Variants in DUXA observed in about 807,000 individuals in gnomAD.
DUXA encodes the protein double homeobox A.
Under a neutral mutation model 27.5 loss-of-function variants are expected in DUXA, and 25 were observed. That is an observed-to-expected ratio of 0.91 (90% CI 0.66 to 1.27). DUXA has a LOEUF of 1.27. Among genes scored for constraint, DUXA ranks in the 50% most tolerant of loss-of-function variants. DUXA has a pLI of 0.00. For missense variants in DUXA, 247 were observed against 242.9 expected (o/e 1.02, Z -0.11); for synonymous variants, 90 against 80.5 (o/e 1.12, Z -0.63).
chr19:57,157,920 G>A (rs2087000257), intron 4 of DUXA, among the ~76,000 whole-genome samples: 1 of 151,794 alleles, frequency 6.6e-6, no homozygotes, highest in Non-Finnish European at 1.5e-5. Context: ...CTTGAACCTA[G>A]GAGGTCGAGG....
intron 1 of DUXA, among the ~76,000 whole-genome samples, chr19:57,163,510 A>G (rs922048376): frequency 2.0e-5 from 3 of 151,394 alleles, no homozygotes; most frequent in African/African-American, 4.9e-5. Flanking sequence ...GTGGCACAAT[A>G]TCGGCTCACT....
intron 2 of DUXA, among the ~76,000 whole-genome samples, chr19:57,159,768 G>A (rs2087010754): frequency 6.6e-6 from 1 of 150,440 alleles, no homozygotes; most frequent in South Asian, 2.1e-4. Flanking sequence ...AACATTGTGT[G>A]ACACCATAAT....
At chr19:57,163,566 C>A (rs1274642940) in intron 1 of DUXA, among the ~76,000 whole-genome samples, 3 of 152,116 alleles carry the variant, frequency 2.0e-5, no homozygotes, top group Non-Finnish European at 4.4e-5. Context: ...GCCTCAGACT[C>A]CTGAGTAGCT....
intron 1 of DUXA, among the ~76,000 whole-genome samples, chr19:57,165,106 A>G (rs2087044659): frequency 6.6e-6 from 1 of 151,936 alleles, no homozygotes; most frequent in Non-Finnish European, 1.5e-5. Flanking sequence ...CCATACTTTG[A>G]AAACAAGTGC....
chr19:57,163,007 ACCTTGACCTCATCT>A (rs1382722442), intron 1 of DUXA, among the ~76,000 whole-genome samples: 2 of 151,528 alleles, frequency 1.3e-5, no homozygotes, highest in East Asian at 3.9e-4. Flanking sequence ...GACATTCCAT[ACCTTGACCTCATCT>A]CCTTGACCTC....
chr19:57,161,060 T>C (rs2087018463), intron 1 of DUXA, among the ~76,000 whole-genome samples: 1 of 151,986 alleles, frequency 6.6e-6, no homozygotes, highest in Non-Finnish European at 1.5e-5. Context: ...GCATGGTGGT[T>C]GACGCCTGTA....
rs767169824 is a variant in DUXA, at chr19:57,158,383, A to G, written c.383T>C (p.Ile128Thr). ...KAFMKNPYPGIDSREELAKEI... is the reference protein window; with the variant it reads ...KAFMKNPYPGTDSREELAKEI... ...TTTAGCAAGTTCTTCTCTGGAATCA[A>G]TCCCAGGATATGGGTTTTTCATAAA... The change falls in exon 4 of 6, where the codon ATT (isoleucine) becomes ACT (threonine). Residue 128 changes from isoleucine to threonine, a missense_variant. Physicochemically the swap from Ile to Thr is moderately conservative, Grantham distance 89. Transcript: ENST00000554048. 2 of 1,613,026 alleles carry G rather than the reference A, an allele frequency of 1.2e-6. No individual in the cohort carries two copies. The highest frequency in any genetic ancestry group is 3.3e-5 in the Admixed American group (2 of 60,014).
At chr19:57,158,736 C>A (rs919724321) in intron 3 of DUXA, among the ~76,000 whole-genome samples, 6 of 152,176 alleles carry the variant, frequency 3.9e-5, no homozygotes, top group African/African-American at 1.4e-4. Context: ...GTAATGCCGG[C>A]ACTTTAAGAG....
chr19:57,159,677 T>C (rs899130293), intron 2 of DUXA, among the ~76,000 whole-genome samples: 2 of 151,488 alleles, frequency 1.3e-5, no homozygotes, highest in Non-Finnish European at 2.9e-5. Context: ...CTTCCCAAAG[T>C]GCTGGGATTA....
intron 5 of DUXA, among the ~76,000 whole-genome samples, chr19:57,154,805 C>T (rs547352802): frequency 1.3e-4 from 20 of 151,982 alleles, no homozygotes; most frequent in South Asian, 8.3e-4. Flanking sequence ...CCTCGTGATC[C>T]GCCCACCTCG....
chr19:57,162,577 TG>T (rs200801623), intron 1 of DUXA, among the ~76,000 whole-genome samples: 3,384 of 152,228 alleles, frequency 0.022, 48 homozygotes, highest in Middle Eastern at 0.048. Context: ...TTTTGTTTTT[TG>T]TTTTTTGTTT....
chr19:57,159,771 A>G (rs920123222), intron 2 of DUXA, among the ~76,000 whole-genome samples: 2 of 151,342 alleles, frequency 1.3e-5, no homozygotes, highest in East Asian at 3.9e-4. Flanking sequence ...ATTGTGTGAC[A>G]CCATAATCTC....
At chr19:57,155,221 C>A (rs2122687286) in intron 5 of DUXA, 46 bp downstream of exon 5, 1 of 1,568,384 alleles carries the variant, frequency 6.4e-7, no homozygotes, top group Non-Finnish European at 8.8e-7. Flanking sequence ...ACTGGACATC[C>A]AAGGGCTCCG....
chr19:57,162,872 C>G (rs1479592374), intron 1 of DUXA, among the ~76,000 whole-genome samples: 5 of 152,132 alleles, frequency 3.3e-5, no homozygotes. Flanking sequence ...CTGCACCTGG[C>G]CCCTGGTCCA....
intron 1 of DUXA, among the ~76,000 whole-genome samples, chr19:57,162,496 A>T (rs892300647): frequency 6.6e-6 from 1 of 152,244 alleles, no homozygotes. Context: ...TTCAGTTAAA[A>T]GACCAACAGC....
chr19:57,155,447 T>C, intron 4 of DUXA, 75 bp from the exon 5 acceptor site: 1 of 1,229,696 alleles, frequency 8.1e-7, no homozygotes, highest in Non-Finnish European at 1.2e-6. Context: ...TCTTCTCTTT[T>C]TTCTTTTCTG....
chr19:57,161,868 T>C (rs1384783284), intron 1 of DUXA, among the ~76,000 whole-genome samples: 1 of 152,064 alleles, frequency 6.6e-6, no homozygotes, highest in African/African-American at 2.4e-5. Flanking sequence ...GTATTTTATT[T>C]TTATTGGCAT....
At chr19:57,160,445 C>T (rs2087014650) in intron 2 of DUXA, among the ~76,000 whole-genome samples, 198 bp downstream of exon 2, 1 of 152,230 alleles carries the variant, frequency 6.6e-6, no homozygotes, top group Admixed American at 6.5e-5. Context: ...GTTCTCTCAC[C>T]TCCTGTGAGC....
rs1280975746 is a variant in DUXA, at chr19:57,158,365, A to C, written c.401T>G (p.Leu134Arg). 3 of 1,612,396 alleles carry C rather than the reference A, an allele frequency of 1.9e-6. No homozygotes were observed. Among genetic ancestry groups the C allele is most frequent in the Non-Finnish European group, 2.5e-6 (3 of 1,179,964 alleles). The change falls in exon 4 of 6, where the codon CTT (leucine) becomes CGT (arginine). Residue 134 changes from leucine (L) to arginine (R), a missense_variant. Physicochemically the swap from Leu to Arg is moderately radical, Grantham distance 102. Transcript: ENST00000554048. ...CTCTGGAACACCGATTTCTTTAGCA[A>C]GTTCTTCTCTGGAATCAATCCCAGG... ...PYPGIDSREE[L>R]AKEIGVPESR...
Sources: allele counts gnomAD v4.1 joint callset (sites outside exome capture counted in the v4.1 genomes callset), GRCh38; gene constraint gnomAD v4.1.1; transcripts MANE v1.5; gene names NCBI Gene and HGNC (gene_info 2026-07-23, HGNC 2026-07-21).